PDE1C: variants seen among roughly 807,000 people sequenced by gnomAD.
PDE1C encodes phosphodiesterase 1C, also known as dual specificity calcium/calmodulin-dependent 3',5'-cyclic nucleotide phosphodiesterase 1C.
Under a neutral mutation model 93.1 loss-of-function variants are expected in PDE1C, and 62 were observed. That is an observed-to-expected ratio of 0.67 (90% CI 0.54 to 0.82). The LOEUF is 0.82. PDE1C is among the 40% of genes least tolerant of loss of function. The probability of loss-of-function intolerance (pLI) is 0.00; values close to 1 mark genes in which losing one functional copy is unlikely to be tolerated. For missense variants in PDE1C, 742 were observed against 884.6 expected (o/e 0.84, Z 2.04); for synonymous variants, 325 against 310.1 (o/e 1.05, Z -0.50).
At chr7:32,081,396 C>G (rs1796653569) in intron 3 of PDE1C, among the ~76,000 whole-genome samples, 1 of 152,212 alleles carries the variant, frequency 6.6e-6, no homozygotes, top group Non-Finnish European at 1.5e-5. Flanking sequence ...CCTACCTAGG[C>G]ATAAAGAGCA....
intron 3 of PDE1C, among the ~76,000 whole-genome samples, chr7:32,084,697 C>G (rs1796952407): frequency 1.4e-5 from 2 of 142,224 alleles, no homozygotes; most frequent in South Asian, 2.4e-4. Context: ...GATTAAGAAA[C>G]TCACTCAAAA....
At chr7:31,865,189 G>A in intron 6 of PDE1C, 107 bp from the exon 7 acceptor site, 1 of 1,000,392 alleles carries the variant, frequency 1.0e-6, no homozygotes, top group Non-Finnish European at 1.5e-6. Context: ...CATAACACAT[G>A]AGGAAATTGG....
intron 3 of PDE1C, among the ~76,000 whole-genome samples, chr7:32,095,649 A>G (rs1563308738): frequency 6.6e-6 from 1 of 152,150 alleles, no homozygotes; most frequent in South Asian, 2.1e-4. Context: ...CTTTCAATAT[A>G]CCAAATATGC....
chr7:31,630,188 T>C, the PDE1C span, among the ~76,000 whole-genome samples: 1 of 135,180 alleles, frequency 7.4e-6, no homozygotes, highest in Admixed American at 8.8e-5. Flanking sequence ...ATTTGTTATA[T>C]GAGTTCTAAA....
At chr7:31,736,730 T>A in the PDE1C span, among the ~76,000 whole-genome samples, 4 of 152,140 alleles carry the variant, frequency 2.6e-5, no homozygotes, top group Non-Finnish European at 5.9e-5. Context: ...TTCTCACAGA[T>A]AAAAATGTTA....
chr7:31,642,603 CAAG>C, the PDE1C span: 6 of 1,306,656 alleles, frequency 4.6e-6, no homozygotes, highest in African/African-American at 5.9e-5. Context: ...AAGGCAATGA[CAAG>C]AAGAAAATCT....
the PDE1C span, among the ~76,000 whole-genome samples, chr7:31,650,927 C>T: frequency 6.6e-6 from 1 of 152,146 alleles, no homozygotes; most frequent in African/African-American, 2.4e-5. Context: ...CAAAGGCCAC[C>T]CAACAACAGC....
intron 17 of PDE1C, among the ~76,000 whole-genome samples, chr7:31,763,368 A>C (rs1017800157): frequency 6.6e-6 from 1 of 152,178 alleles, no homozygotes; most frequent in Non-Finnish European, 1.5e-5. Flanking sequence ...TTCTTAAACT[A>C]AGAATAGATC....
intron 1 of PDE1C, among the ~76,000 whole-genome samples, chr7:32,363,574 C>G (rs1180224940): frequency 2.0e-5 from 3 of 152,358 alleles, no homozygotes; most frequent in South Asian, 2.1e-4. Context: ...TCCACACTTA[C>G]AGGAAGATTT....
At chr7:31,767,872 G>A (rs1795240663) in intron 17 of PDE1C, among the ~76,000 whole-genome samples, 1 of 152,134 alleles carries the variant, frequency 6.6e-6, no homozygotes. Context: ...CTTTCATAAG[G>A]TCGTTAATCC....
intron 2 of PDE1C, among the ~76,000 whole-genome samples, chr7:31,912,789 A>C (rs1030823279): frequency 6.6e-6 from 1 of 152,124 alleles, no homozygotes; most frequent in South Asian, 2.1e-4. Flanking sequence ...TGTTTTCTTT[A>C]AAAAAGACAA....
intron 1 of PDE1C, among the ~76,000 whole-genome samples, chr7:32,407,015 C>T (rs1388354400): frequency 6.6e-6 from 1 of 152,200 alleles, no homozygotes; most frequent in Non-Finnish European, 1.5e-5. Context: ...GTGGCTCATG[C>T]CTGTAATCCA....
At chr7:32,401,421 C>T (rs1291582694) in intron 1 of PDE1C, among the ~76,000 whole-genome samples, 1 of 151,770 alleles carries the variant, frequency 6.6e-6, no homozygotes, top group Non-Finnish European at 1.5e-5. Flanking sequence ...CCTGTAATCC[C>T]AACTACTCGG....
At chr7:32,127,398 A>C (rs1799649531) in intron 3 of PDE1C, among the ~76,000 whole-genome samples, 1 of 152,162 alleles carries the variant, frequency 6.6e-6, no homozygotes, top group Admixed American at 6.5e-5. Context: ...TTTAGAATAC[A>C]GAGAAAATAA....
intron 7 of PDE1C, among the ~76,000 whole-genome samples, chr7:31,863,060 T>C (rs1396071199): frequency 6.6e-6 from 1 of 152,190 alleles, no homozygotes; most frequent in Non-Finnish European, 1.5e-5. Context: ...ATTTATAGAT[T>C]ACTTTGAGGG....
chr7:32,406,893 C>T (rs1785062955), intron 1 of PDE1C, among the ~76,000 whole-genome samples: 1 of 152,178 alleles, frequency 6.6e-6, no homozygotes, highest in Non-Finnish European at 1.5e-5. Flanking sequence ...GGATGCTTTA[C>T]ATTAAACTCA....
intron 7 of PDE1C, 191 bp from the exon 8 acceptor site, chr7:31,850,932 T>C (rs1189757474): frequency 1.1e-5 from 6 of 564,430 alleles, no homozygotes; most frequent in African/African-American, 1.9e-5. Flanking sequence ...TTGTTAACAA[T>C]GTGTTCAGCA....
intron 17 of PDE1C, among the ~76,000 whole-genome samples, chr7:31,770,864 T>C (rs141950255): frequency 2.1e-4 from 32 of 152,366 alleles, no homozygotes; most frequent in Non-Finnish European, 4.4e-4. Context: ...CTCCATGCTA[T>C]ATTTGGTGTA....
chr7:31,766,211 C>T (rs1252550002), intron 17 of PDE1C, among the ~76,000 whole-genome samples: 2 of 151,986 alleles, frequency 1.3e-5, no homozygotes, highest in Non-Finnish European at 2.9e-5. Flanking sequence ...AGTGAAACCC[C>T]GTCTCCACTA....
Sources: gnomAD v4.1 joint callset for allele counts (sites outside exome capture counted in the v4.1 genomes callset) on GRCh38, gnomAD v4.1.1 for gene constraint, MANE v1.5 for transcripts, NCBI Gene and HGNC (gene_info 2026-07-23, HGNC 2026-07-21) for gene names.